Variants in MYRF observed in about 807,000 individuals in gnomAD.
The protein encoded by MYRF is myelin regulatory factor, also known as myelin gene regulatory factor.
In MYRF, 16 loss-of-function variants were observed where a neutral mutation model predicts 126.3. The observed-to-expected ratio is 0.13, with a 90% CI of 0.09 to 0.19. MYRF has a LOEUF of 0.19. MYRF is among the 10% of genes least tolerant of loss of function. The probability of loss-of-function intolerance (pLI) is 1.00; values close to 1 mark genes in which losing one functional copy is unlikely to be tolerated. For missense variants in MYRF, 1,104 were observed against 1,547.0 expected (o/e 0.71, Z 4.80); for synonymous variants, 608 against 635.3 (o/e 0.96, Z 0.65).
In MYRF at chr11:61,765,630, G is replaced by A. The variant is rs747836674; in HGVS notation, c.52G>A (p.Asp18Asn). The part of the protein sequence containing the change: ...EALQRFFEGH[D>N]INGALEPSNI... ...CCATCTCTCCTGCCCTGCAGGCCACGACATCAACGGTGCCCTGGAGCCCTC... is the reference window on the plus strand; with the variant it reads ...CCATCTCTCCTGCCCTGCAGGCCACAACATCAACGGTGCCCTGGAGCCCTC... Residue 18 changes from aspartate to asparagine, a missense_variant, in exon 2 of 27, where the codon GAC (aspartate) becomes AAC (asparagine). Physicochemically the swap from Asp to Asn is conservative, Grantham distance 23. Coordinates refer to ENST00000278836, the MANE Select transcript of MYRF (RefSeq NM_001127392.3). 2.0e-5 allele frequency: 33 copies of A among 1,612,268 alleles called. No individual in the cohort carries two copies. Among genetic ancestry groups the A allele is most frequent in the South Asian group, 1.6e-4 (15 of 90,916 alleles).
chr11:61,767,779 A>C lies in MYRF; in HGVS notation c.399-1481A>C, dbSNP rs565859241. Among the ~76,000 whole-genome samples the C allele has an allele frequency of 4.7e-4, 64 of 135,544 alleles. 1 individual carries two copies. The South Asian group carries it at 0.017, about 35-fold the overall frequency. The allele number at this position is 135,544 out of a possible 152,430, so 88.9% of individuals were successfully genotyped here. A position where few individuals can be genotyped will look rare whatever the true frequency, so the allele number is the denominator to read the frequency against. ...GTCGAGGCTACAGTGAGCTGTGATC[A>C]TGCCACTGCTAGGGACAGAGTAAGA... On this transcript the variant is annotated intron_variant, in intron 3 of 26. Coordinates refer to ENST00000278836, the MANE Select transcript of MYRF (RefSeq NM_001127392.3).
chr11:61,784,224 G>T, intron 24 of MYRF, 56 bp from the exon 25 acceptor site: 1 of 1,516,578 alleles, frequency 6.6e-7, no homozygotes, highest in African/African-American at 1.4e-5. Flanking sequence ...CTGGGAGGGG[G>T]CTGGGGTTGA....
intron 3 of MYRF, chr11:61,767,613 C>T (rs995924152): frequency 4.2e-5 from 15 of 353,746 alleles, no homozygotes; most frequent in Admixed American, 1.1e-4. Context: ...ATTGCTTGAG[C>T]CCAGGAGTTC....
chr11:61,768,327 C>T (rs551528789), intron 3 of MYRF, among the ~76,000 whole-genome samples: 1 of 152,338 alleles, frequency 6.6e-6, no homozygotes, highest in East Asian at 1.9e-4. Flanking sequence ...GACCTTAACA[C>T]ATTACAGAAG....
rs2065779408 is a variant in MYRF at position 61,757,181 on chromosome 11, C to T, written c.46+4391C>T. Reference sequence around the variant, plus strand: ...TATGTGGGGCCTCCTCTCCTATCTCCAGGCCTTCAGCCCCGGCTGCCACGG... The same window carrying T: ...TATGTGGGGCCTCCTCTCCTATCTCTAGGCCTTCAGCCCCGGCTGCCACGG... On this transcript the variant is annotated intron_variant, in intron 1 of 26. Transcript: ENST00000278836. The surrounding 1 kb of genome is among the most constrained non-coding windows in gnomAD (Gnocchi z 4.7). 15 of 456,898 alleles carry T rather than the reference C, an allele frequency of 3.3e-5. No homozygotes were observed. The highest frequency in any genetic ancestry group is 2.3e-4 in the South Asian group (15 of 64,552). The allele number at this position is 456,898 out of a possible 1,614,324, so 28.3% of individuals were successfully genotyped here.
rs1279100323 is a variant in MYRF, at chr11:61,765,998, T to A, written c.175T>A (p.Tyr59Asn). ...CTCTGCTCCAGCCAGCTCGGCCTCCTACTCCCACGGGCAGCCTGCGATGCC... is the reference window on the plus strand; with the variant it reads ...CTCTGCTCCAGCCAGCTCGGCCTCCAACTCCCACGGGCAGCCTGCGATGCC... ...DISAPASSASYSHGQPAMPGS... is the reference protein window; with the variant it reads ...DISAPASSASNSHGQPAMPGS... The change falls in exon 3 of 27, where the codon TAC (tyrosine) becomes AAC (asparagine). Residue 59 changes from tyrosine (Y) to asparagine (N), a missense_variant. Coordinates refer to ENST00000278836, the MANE Select transcript of MYRF (RefSeq NM_001127392.3). 6.4e-7 allele frequency: 1 copy of A among 1,572,986 alleles called. No individual in the cohort carries two copies. Among genetic ancestry groups the A allele is most frequent in the African/African-American group, 1.3e-5 (1 of 74,144 alleles).
In MYRF at chr11:61,771,696, A is replaced by G. The variant is rs1235420018; in HGVS notation, c.937A>G (p.Ser313Gly). 1.2e-6 allele frequency: 2 copies of G among 1,613,540 alleles called. No individual in the cohort carries two copies. Among genetic ancestry groups the G allele is most frequent in the Non-Finnish European group, 1.7e-6 (2 of 1,179,930 alleles). ...CCCGGGCCCTGGTTCCTTGCCTCTC[A>G]GCATTGCCCGTGTCCAGACACCGCC... ...LSPGPGSLPL[S>G]IARVQTPPWH... Residue 313 changes from serine to glycine, a missense_variant, in exon 6 of 27, where the codon AGC (serine) becomes GGC (glycine). Ser to Gly is a moderately conservative substitution (Grantham distance 56). Transcript: ENST00000278836.
In MYRF at chr11:61,771,761, GGCC is replaced by G. The variant is rs1273933107; in HGVS notation, c.991+12_991+14del. 1 of 1,612,254 alleles carries G rather than the reference GGCC, an allele frequency of 6.2e-7. No individual in the cohort carries two copies. The highest frequency in any genetic ancestry group is 8.5e-7 in the Non-Finnish European group (1 of 1,178,870). On this transcript the variant is annotated intron_variant, in intron 6 of 26. Coordinates refer to ENST00000278836, the MANE Select transcript of MYRF (RefSeq NM_001127392.3). ...GTGCCCCCTCCCCAGGTACATGGCT[GGCC>G]AACTCTTCAAGGTGGGGTGTGGGAC...
At chr11:61,756,212 G>A (rs1056241919) in intron 1 of MYRF, among the ~76,000 whole-genome samples, 5 of 152,136 alleles carry the variant, frequency 3.3e-5, no homozygotes, top group South Asian at 4.1e-4. Context: ...GGGGAATGGC[G>A]CTGGCTGAGG....
chr11:61,776,762 C>T lies in MYRF; in HGVS notation c.1500-25C>T. ...TGGGGGCGGGGGCAGGCCATGAGTA[C>T]TTCTGAGACCCCTGTGTGTCCCAGG... On this transcript the variant is annotated intron_variant, in intron 10 of 26. Coordinates refer to ENST00000278836, the MANE Select transcript of MYRF (RefSeq NM_001127392.3). The surrounding 1 kb of genome is among the most constrained non-coding windows in gnomAD (Gnocchi z 4.3). 1.3e-6 allele frequency: 2 copies of T among 1,561,076 alleles called. No homozygotes were observed. Among genetic ancestry groups the T allele is most frequent in the Non-Finnish European group, 1.7e-6 (2 of 1,150,282 alleles).
intron 14 of MYRF, 111 bp from the exon 15 acceptor site, chr11:61,779,152 C>T (rs2066471120): frequency 8.0e-7 from 1 of 1,244,120 alleles, no homozygotes; most frequent in Non-Finnish European, 1.1e-6. Context: ...TCCCAGTGGC[C>T]AAGGACAGTG....
intron 8 of MYRF, among the ~76,000 whole-genome samples, chr11:61,774,611 C>T (rs1286679570): frequency 6.6e-6 from 1 of 151,904 alleles, no homozygotes; most frequent in Non-Finnish European, 1.5e-5. Context: ...ACTGCCACCC[C>T]GCCCTCCCGC....
At chr11:61,761,961 G>A (rs1288648218) in intron 1 of MYRF, among the ~76,000 whole-genome samples, 1 of 152,250 alleles carries the variant, frequency 6.6e-6, no homozygotes, top group Non-Finnish European at 1.5e-5. Context: ...TGCCCAGCGG[G>A]GTGTGTGTAG....
Position 61,783,280 on chromosome 11 carries a change from C to G in MYRF, c.3017-218C>G, listed in dbSNP as rs1421855920. On this transcript the variant is annotated intron_variant, in intron 22 of 26. Transcript: ENST00000278836. This position sits in a 1 kb window ranked among gnomAD's most constrained non-coding sequence, Gnocchi z 4.6. ...ATCCCTACTTCTGGGTGTTCCAGTTCTTTTGAGGAGGCAGACGTCAGGCTC... is the reference window on the plus strand; with the variant it reads ...ATCCCTACTTCTGGGTGTTCCAGTTGTTTTGAGGAGGCAGACGTCAGGCTC... 4.5e-6 allele frequency: 2 copies of G among 445,994 alleles called. No homozygotes were observed. The highest frequency in any genetic ancestry group is 2.0e-5 in the African/African-American group (1 of 50,876). 27.6% of individuals were successfully genotyped at this position (445,994 alleles called of 1,614,324 possible). A position where few individuals can be genotyped will look rare whatever the true frequency, so the allele number is the denominator to read the frequency against.
In MYRF at chr11:61,781,654, C is replaced by A; in HGVS notation, c.2846C>A (p.Ser949Tyr). The part of the protein sequence containing the change: ...WGLSVNGIGH[S>Y]KHHKSLEPLA... Reference sequence around the variant, plus strand: ...CTTTCAGTCAATGGCATTGGCCACTCCAAGCATCACAAGAGTCTGGAGCCT... The same window carrying A: ...CTTTCAGTCAATGGCATTGGCCACTACAAGCATCACAAGAGTCTGGAGCCT... The change falls in exon 22 of 27, where the codon TCC (serine) becomes TAC (tyrosine). Residue 949 changes from serine (S) to tyrosine (Y), a missense_variant. Around this residue, in one of 10 missense-constraint regions of MYRF, gnomAD observed 323 missense variants for 383.1 expected, o/e 0.84. Coordinates refer to ENST00000278836, the MANE Select transcript of MYRF (RefSeq NM_001127392.3). 1.2e-6 allele frequency: 2 copies of A among 1,613,836 alleles called. No individual in the cohort carries two copies. Among genetic ancestry groups the A allele is most frequent in the South Asian group, 2.2e-5 (2 of 91,088 alleles).
intron 5 of MYRF, 129 bp downstream of exon 5, chr11:61,770,654 C>T: frequency 1.2e-6 from 1 of 840,702 alleles, no homozygotes; most frequent in Non-Finnish European, 1.8e-6. Context: ...GAAGGCTCTG[C>T]AGGGCAGATG....
At position 61,781,199 on chromosome 11, in the gene MYRF, C is replaced by T. The variant is rs777273339; in HGVS notation, c.2634C>T (p.Ser878=). ...CTGTCCGCACCTTGGACATGTGTTC[C>T]AGCCACCCCTGCCCTGTCATCTGCT... is the stretch of plus-strand genomic sequence containing the variant. The part of the protein sequence containing the change: ...GSAVRTLDMC[S]SHPCPVICCS... Residue 878 remains serine, a synonymous_variant, in exon 21 of 27, where the codon TCC becomes TCT. Transcript: ENST00000278836. 1.2e-6 allele frequency: 2 copies of T among 1,614,100 alleles called. No individual in the cohort carries two copies. The highest frequency in any genetic ancestry group is 8.5e-7 in the Non-Finnish European group (1 of 1,180,034).
chr11:61,762,936 C>T (rs1410133944), intron 1 of MYRF, among the ~76,000 whole-genome samples: 3 of 152,132 alleles, frequency 2.0e-5, no homozygotes, highest in East Asian at 1.9e-4. Context: ...ATCTGGTTCT[C>T]GTTAGGGTCT....
chr11:61,769,399 A>T, intron 4 of MYRF, 78 bp downstream of exon 4: 3 of 1,115,184 alleles, frequency 2.7e-6, no homozygotes, highest in Non-Finnish European at 4.0e-6. Flanking sequence ...GAGGTAGGGG[A>T]GGAGGGAGGG....
Sources: gnomAD v4.1 joint callset for allele counts (sites outside exome capture counted in the v4.1 genomes callset) on GRCh38, gnomAD v4.1.1 for gene constraint, gnomAD v4.1.1 regional missense constraint, Gnocchi (gnomAD v3.1) non-coding constraint, MANE v1.5 for transcripts, NCBI Gene and HGNC (gene_info 2026-07-23, HGNC 2026-07-21) for gene names.